Variants in FREM3 observed in about 807,000 individuals in gnomAD.
FREM3 encodes FRAS1 related extracellular matrix 3.
In FREM3, 105 loss-of-function variants were observed where a neutral mutation model predicts 129.1. The ratio of observed to expected loss-of-function variants is 0.81; its 90% CI spans 0.69 to 0.96. The LOEUF (loss-of-function observed/expected upper bound fraction) is 0.96, where lower values mean the gene tolerates loss of function less well. FREM3 is among the 40% of genes least tolerant of loss of function. The probability of loss-of-function intolerance (pLI) is 0.00; values close to 1 mark genes in which losing one functional copy is unlikely to be tolerated. For synonymous variants in FREM3, 1,014 were observed against 1,044.9 expected (o/e 0.97, Z 0.57); for missense variants, 2,593 against 2,666.3 (o/e 0.97, Z 0.61).
chr4:143,667,400 A>C (rs772115403), intron 2 of FREM3, among the ~76,000 whole-genome samples: 7 of 152,208 alleles, frequency 4.6e-5, no homozygotes, highest in Non-Finnish European at 4.4e-5. Flanking sequence ...TATTAAATTA[A>C]CATTTCATAT....
rs905767881 is a variant in FREM3, at chr4:143,696,879, A to G, written c.3797T>C (p.Ile1266Thr). The change falls in exon 1 of 8, where the codon ATT (isoleucine) becomes ACT (threonine). Residue 1266 changes from isoleucine (I) to threonine (T), a missense_variant. Around this residue, in one of 2 missense-constraint regions of FREM3, gnomAD observed 2,276 missense variants for 2,267.2 expected, o/e 1.00. Coordinates refer to ENST00000329798, the MANE Select transcript of FREM3 (RefSeq NM_001168235.2). Reference protein sequence around the residue: ...TLKEIQEASTIVYEHDDSETK... With the variant: ...TLKEIQEASTTVYEHDDSETK... ...CTCTGAGTCATCATGCTCATACACA[A>G]TGGTGGAGGCCTCCTGGATCTCCTT... is the stretch of plus-strand genomic sequence containing the variant. The G allele has an allele frequency of 1.3e-6, 2 of 1,537,540 alleles. No homozygotes were observed. The highest frequency in any genetic ancestry group is 1.4e-5 in the African/African-American group (1 of 73,002).
Position 143,700,644 on chromosome 4 carries a change from G to C in FREM3, c.32C>G (p.Thr11Arg). Residue 11 changes from threonine to arginine, a missense_variant, in exon 1 of 8, where the codon ACG becomes AGG. Thr to Arg is a moderately conservative substitution (Grantham distance 71). Coordinates refer to ENST00000329798, the MANE Select transcript of FREM3 (RefSeq NM_001168235.2). ...GAGCGCCACAAGGAGCTGCCGGGGCGTCCCAGTCGGGTGCCGAGAAGCCCC... is the reference window on the plus strand; with the variant it reads ...GAGCGCCACAAGGAGCTGCCGGGGCCTCCCAGTCGGGTGCCGAGAAGCCCC... Reference protein sequence around the residue: MAGASRHPTGTPRQLLVALAC... With the variant: MAGASRHPTGRPRQLLVALAC... The C allele has an allele frequency of 7.0e-7, 1 of 1,434,050 alleles. No individual in the cohort carries two copies. The highest frequency in any genetic ancestry group is 9.1e-7 in the Non-Finnish European group (1 of 1,098,890). 88.8% of individuals were successfully genotyped at this position (1,434,050 alleles called of 1,614,324 possible). A position where few individuals can be genotyped will look rare whatever the true frequency, so the allele number is the denominator to read the frequency against.
intron 2 of FREM3, among the ~76,000 whole-genome samples, chr4:143,662,300 A>G (rs375468172): frequency 6.6e-6 from 1 of 152,022 alleles, no homozygotes; most frequent in African/African-American, 2.4e-5. Flanking sequence ...CTTTGTTCTC[A>G]TTGGTTTCAA....
intron 6 of FREM3, among the ~76,000 whole-genome samples, chr4:143,606,318 G>A (rs1942824234): frequency 6.6e-6 from 1 of 151,800 alleles, no homozygotes; most frequent in South Asian, 2.1e-4. Context: ...TTCTTCAAGG[G>A]GTTTGCTTGC....
chr4:143,614,789 G>T (rs964476464), intron 5 of FREM3, among the ~76,000 whole-genome samples: 11 of 152,300 alleles, frequency 7.2e-5, no homozygotes, highest in African/African-American at 2.4e-4. Flanking sequence ...GATTTTTGTT[G>T]TATTAATATT....
chr4:143,625,546 G>A (rs551283674), intron 3 of FREM3, among the ~76,000 whole-genome samples: 41 of 152,336 alleles, frequency 2.7e-4, no homozygotes, highest in Non-Finnish European at 1.8e-4. Context: ...GAGATTGAAT[G>A]TCCAATATTT....
chr4:143,618,474 G>A (rs1005996439), intron 5 of FREM3, among the ~76,000 whole-genome samples: 3 of 152,080 alleles, frequency 2.0e-5, no homozygotes, highest in Admixed American at 2.0e-4. Context: ...GCCACTGTAT[G>A]CAAGGTAGCA....
chr4:143,614,180 T>C (rs1738806916), intron 5 of FREM3, among the ~76,000 whole-genome samples: 1 of 152,234 alleles, frequency 6.6e-6, no homozygotes, highest in Non-Finnish European at 1.5e-5. Flanking sequence ...AAAAAAGTTG[T>C]CTAAGTAAAT....
intron 4 of FREM3, among the ~76,000 whole-genome samples, chr4:143,621,509 G>A (rs537290817): frequency 6.6e-6 from 1 of 152,166 alleles, no homozygotes; most frequent in Middle Eastern, 3.4e-3. Context: ...TACTTTTACT[G>A]TTTATTTTTT....
At chr4:143,664,628 T>C (rs965088191) in intron 2 of FREM3, among the ~76,000 whole-genome samples, 2 of 152,080 alleles carry the variant, frequency 1.3e-5, no homozygotes, top group South Asian at 2.1e-4. Flanking sequence ...CTGTCAGACT[T>C]GGACATTTAA....
chr4:143,683,175 A>T (rs1167179814), intron 2 of FREM3, among the ~76,000 whole-genome samples: 1 of 152,230 alleles, frequency 6.6e-6, no homozygotes, highest in Non-Finnish European at 1.5e-5. Context: ...TGATCATGGC[A>T]GACGGGATGC....
chr4:143,695,094 A>G (rs1371516859), intron 1 of FREM3, among the ~76,000 whole-genome samples: 2 of 152,222 alleles, frequency 1.3e-5, no homozygotes, highest in African/African-American at 4.8e-5. Flanking sequence ...TAGATACCAA[A>G]CATCTTCAAA....
At chr4:143,609,838 A>C (rs1026803392) in intron 6 of FREM3, among the ~76,000 whole-genome samples, 6 of 152,192 alleles carry the variant, frequency 3.9e-5, no homozygotes, top group African/African-American at 9.7e-5. Context: ...AAAACAGCAG[A>C]TACTTTTTAT....
At chr4:143,682,346 C>T (rs946992163) in intron 2 of FREM3, among the ~76,000 whole-genome samples, 2 of 152,128 alleles carry the variant, frequency 1.3e-5, no homozygotes, top group Admixed American at 6.5e-5. Flanking sequence ...ATAATGAGTG[C>T]GGTTGAGTCC....
chr4:143,593,267 G>A (rs6844559), intron 6 of FREM3, among the ~76,000 whole-genome samples: 106,305 of 152,054 alleles, frequency 0.7, 39,463 homozygotes, highest in Non-Finnish European at 0.83. Context: ...GCTTTGTTCC[G>A]TTGCTGGTGA....
chr4:143,674,212 C>T (rs1272510913), intron 2 of FREM3, among the ~76,000 whole-genome samples: 1 of 152,146 alleles, frequency 6.6e-6, no homozygotes, highest in African/African-American at 2.4e-5. Context: ...ACTCTACAAG[C>T]CGGAAGAGAG....
rs1287343601 is a variant in FREM3 at position 143,627,797 on chromosome 4, G to A, written c.5276-37C>T. The A allele has an allele frequency of 5.7e-6, 8 of 1,409,960 alleles. No individual in the cohort carries two copies. The African/African-American group carries it at 5.7e-5, about 10-fold the overall frequency. 87.3% of individuals were successfully genotyped at this position (1,409,960 alleles called of 1,614,324 possible). A position where few individuals can be genotyped will look rare whatever the true frequency, so the allele number is the denominator to read the frequency against. ...AGGGGCAAAGGAAAAGTCAGCTGGA[G>A]TATTTGATGGCAATATTCAATGATC... is the stretch of plus-strand genomic sequence containing the variant. On this transcript the variant is annotated intron_variant, in intron 2 of 7. Transcript: ENST00000329798.
chr4:143,604,418 C>T (rs933581411), intron 6 of FREM3, among the ~76,000 whole-genome samples: 1 of 152,178 alleles, frequency 6.6e-6, no homozygotes, highest in African/African-American at 2.4e-5. Flanking sequence ...TCCAAGGCAA[C>T]CTGGAGGTTG....
At chr4:143,661,120 G>T (rs912709305) in intron 2 of FREM3, among the ~76,000 whole-genome samples, 4 of 152,180 alleles carry the variant, frequency 2.6e-5, no homozygotes, top group South Asian at 2.1e-4. Flanking sequence ...CCAACACTAT[G>T]TTGAATAGGA....
Sources: gnomAD v4.1 joint callset for allele counts (sites outside exome capture counted in the v4.1 genomes callset) on GRCh38, gnomAD v4.1.1 for gene constraint, gnomAD v4.1.1 regional missense constraint, MANE v1.5 for transcripts, NCBI Gene and HGNC (gene_info 2026-07-23, HGNC 2026-07-21) for gene names.